Variants in SUSD4 observed in about 807,000 individuals in gnomAD.
SUSD4 encodes sushi domain-containing protein 4.
Under a neutral mutation model 50.5 loss-of-function variants are expected in SUSD4, and 41 were observed. The observed-to-expected ratio is 0.81, with a 90% CI of 0.63 to 1.05. The LOEUF is 1.05. SUSD4 is among the 50% of genes least tolerant of loss of function. The pLI is 0.00. For missense variants in SUSD4, 580 were observed against 634.7 expected (o/e 0.91, Z 0.93); for synonymous variants, 257 against 257.3 (o/e 1.00, Z 0.01).
intron 5 of SUSD4, among the ~76,000 whole-genome samples, chr1:223,253,378 G>A (rs1244662359): frequency 1.3e-5 from 2 of 152,008 alleles, no homozygotes; most frequent in Non-Finnish European, 2.9e-5. Flanking sequence ...AGGCATGATG[G>A]TTACCATTTC....
chr1:223,256,175 A>C (rs930776838), intron 5 of SUSD4, among the ~76,000 whole-genome samples: 1 of 152,190 alleles, frequency 6.6e-6, no homozygotes, highest in Non-Finnish European at 1.5e-5. Flanking sequence ...TTACATGATA[A>C]AAATTCAGGT....
chr1:223,360,381 A>G, intron 2 of SUSD4: 2 of 358,042 alleles, frequency 5.6e-6, no homozygotes, highest in South Asian at 4.4e-5. Flanking sequence ...AGGGTCCTAT[A>G]TCTCCCCACC....
chr1:223,298,220 C>T (rs1476992840), intron 2 of SUSD4, among the ~76,000 whole-genome samples: 2 of 152,044 alleles, frequency 1.3e-5, no homozygotes, highest in African/African-American at 2.4e-5. Flanking sequence ...ATGCCAACTA[C>T]CCTGTTGGAC....
At chr1:223,335,359 C>G (rs1025530328) in intron 2 of SUSD4, among the ~76,000 whole-genome samples, 1 of 152,056 alleles carries the variant, frequency 6.6e-6, no homozygotes, top group African/African-American at 2.4e-5. Context: ...AGTGTTCTGA[C>G]GGAAATGATT....
chr1:223,241,729 C>A (rs1022763301), intron 5 of SUSD4, among the ~76,000 whole-genome samples: 1 of 152,214 alleles, frequency 6.6e-6, no homozygotes, highest in African/African-American at 2.4e-5. Context: ...GACAAGCAGT[C>A]CTCTCCGGAC....
intron 5 of SUSD4, among the ~76,000 whole-genome samples, chr1:223,261,425 C>CTG (rs5781307): frequency 0.42 from 63,372 of 151,756 alleles, 13,407 homozygotes; most frequent in Non-Finnish European, 0.44. Flanking sequence ...CTCTTCCTAG[C>CTG]TGTGACTGAG....
At chr1:223,326,111 G>T (rs906939835) in intron 2 of SUSD4, among the ~76,000 whole-genome samples, 1 of 152,080 alleles carries the variant, frequency 6.6e-6, no homozygotes, top group African/African-American at 2.4e-5. Flanking sequence ...TACTACAAGG[G>T]TGTAGTTACC....
chr1:223,275,723 G>A (rs1453537118), intron 3 of SUSD4, among the ~76,000 whole-genome samples: 1 of 150,980 alleles, frequency 6.6e-6, no homozygotes, highest in Non-Finnish European at 1.5e-5. Context: ...CCCGCCCCCG[G>A]CAATTACCAT....
At chr1:223,320,610 A>G (rs777919533) in intron 2 of SUSD4, among the ~76,000 whole-genome samples, 1 of 152,242 alleles carries the variant, frequency 6.6e-6, no homozygotes, top group Admixed American at 6.5e-5. Context: ...AGGGGGCAGC[A>G]GACACACAGA....
chr1:223,322,209 A>G (rs1024035826), intron 2 of SUSD4, among the ~76,000 whole-genome samples: 5 of 152,256 alleles, frequency 3.3e-5, no homozygotes, highest in South Asian at 2.1e-4. Context: ...TACAGGTGAC[A>G]GAGTCACAGG....
rs115402213 is a variant in SUSD4 at position 223,290,278 on chromosome 1, A to G, written c.361+2161T>C. ...CTGAAAGTTTAGCTTTTTCACTGCT[A>G]TGTGACATCGGTGGTATAGACTTCT... On this transcript the variant is annotated intron_variant, in intron 3 of 8. Coordinates refer to ENST00000366878, the MANE Select transcript of SUSD4 (RefSeq NM_017982.4). Among the ~76,000 whole-genome samples the G allele has an allele frequency of 5.8e-3, 883 of 152,312 alleles. 14 individuals are homozygous for G. The highest frequency in any genetic ancestry group is 0.02 in the African/African-American group (830 of 41,570).
intron 2 of SUSD4, among the ~76,000 whole-genome samples, chr1:223,295,026 G>A (rs1165441249): frequency 6.6e-6 from 1 of 152,126 alleles, no homozygotes; most frequent in African/African-American, 2.4e-5. Flanking sequence ...ATATATTTAT[G>A]AATATCATGA....
In SUSD4 at chr1:223,315,627, C is replaced by T. The variant is rs533348178; in HGVS notation, c.149-22976G>A. On this transcript the variant is annotated intron_variant, in intron 2 of 8. Coordinates refer to ENST00000366878, the MANE Select transcript of SUSD4 (RefSeq NM_017982.4). ...CACAGCTGGCCTTCTGACTATTAAA[C>T]GCTTTCTTTATCGCATTGCCGTGGT... Among the ~76,000 whole-genome samples, 11 of 152,298 alleles carry T rather than the reference C, an allele frequency of 7.2e-5. No homozygotes were observed. In the East Asian group the frequency reaches 1.5e-3, roughly 21 times the overall value.
At chr1:223,224,540 C>T (rs956385283) in intron 7 of SUSD4, among the ~76,000 whole-genome samples, 1 of 152,188 alleles carries the variant, frequency 6.6e-6, no homozygotes, top group Non-Finnish European at 1.5e-5. Flanking sequence ...TATGTCACTA[C>T]CCCGTTCAAG....
intron 3 of SUSD4, among the ~76,000 whole-genome samples, chr1:223,279,584 T>C (rs1663540533): frequency 1.3e-5 from 2 of 152,306 alleles, no homozygotes; most frequent in Non-Finnish European, 2.9e-5. Flanking sequence ...AATAGGGGAC[T>C]ATGTGCAAAG....
At chr1:223,286,093 C>T (rs1476703618) in intron 3 of SUSD4, among the ~76,000 whole-genome samples, 1 of 152,166 alleles carries the variant, frequency 6.6e-6, no homozygotes, top group Non-Finnish European at 1.5e-5. Flanking sequence ...TACAGGTGTA[C>T]ACCACCATGC....
rs1667214812 is a variant in SUSD4 at position 223,332,210 on chromosome 1, A to G, written c.148+31068T>C. ...GCTCTGTGTAGCCATAAAATACCTAAGATGTGGTTCATAAAATATTTGGAG... is the reference window on the plus strand; with the variant it reads ...GCTCTGTGTAGCCATAAAATACCTAGGATGTGGTTCATAAAATATTTGGAG... On this transcript the variant is annotated intron_variant, in intron 2 of 8. Coordinates refer to ENST00000366878, the MANE Select transcript of SUSD4 (RefSeq NM_017982.4). The surrounding 1 kb of genome is among the most constrained non-coding windows in gnomAD (Gnocchi z 4.0). Among the ~76,000 whole-genome samples the G allele has an allele frequency of 6.6e-6, 1 of 152,180 alleles. No homozygotes were observed.
chr1:223,287,410 G>A (rs1424356116), intron 3 of SUSD4, among the ~76,000 whole-genome samples: 6 of 152,024 alleles, frequency 3.9e-5, no homozygotes, highest in South Asian at 2.1e-4. Context: ...TTAAATGTGC[G>A]GTTTCAACAA....
chr1:223,356,950 G>A (rs1027980308), intron 2 of SUSD4, among the ~76,000 whole-genome samples: 3 of 152,188 alleles, frequency 2.0e-5, no homozygotes, highest in Non-Finnish European at 4.4e-5. Flanking sequence ...CAAGTTACAT[G>A]AAAAAGAACC....
Sources: gnomAD v4.1 joint callset for allele counts (sites outside exome capture counted in the v4.1 genomes callset) on GRCh38, gnomAD v4.1.1 for gene constraint, Gnocchi (gnomAD v3.1) non-coding constraint, MANE v1.5 for transcripts, NCBI Gene and HGNC (gene_info 2026-07-23, HGNC 2026-07-21) for gene names.